The following RSPRY1 variants were observed in gnomAD, a reference collection of about 807,000 sequenced individuals.
RSPRY1 encodes RING finger and SPRY domain-containing protein 1.
In RSPRY1, 23 loss-of-function variants were observed where a neutral mutation model predicts 73.1. The observed-to-expected ratio is 0.31, with a 90% CI of 0.23 to 0.45. The LOEUF (loss-of-function observed/expected upper bound fraction) is 0.45, where lower values mean the gene tolerates loss of function less well. RSPRY1 is among the 20% of genes least tolerant of loss of function. RSPRY1 has a pLI of 1.00. For synonymous variants in RSPRY1, 226 were observed against 251.4 expected (o/e 0.90, Z 0.95); for missense variants, 448 against 698.7 (o/e 0.64, Z 4.05).
Position 57,217,043 on chromosome 16 carries a change from G to A in RSPRY1, c.901+8G>A, listed in dbSNP as rs752691519. ...GGAGCTTAGACAATCTCTGTAAGTGGGAGTTGTCCTTTATTAAAATGTCCG... is the reference window on the plus strand; with the variant it reads ...GGAGCTTAGACAATCTCTGTAAGTGAGAGTTGTCCTTTATTAAAATGTCCG... On this transcript the variant is annotated splice_region_variant and intron_variant, in intron 8 of 14. Transcript: ENST00000394420. 13 of 1,613,792 alleles carry A rather than the reference G, an allele frequency of 8.1e-6. No individual in the cohort carries two copies. The Admixed American group carries it at 1.0e-4, about 12-fold the overall frequency.
chr16:57,207,393 T>A (rs2146259634), intron 2 of RSPRY1, among the ~76,000 whole-genome samples: 1 of 152,180 alleles, frequency 6.6e-6, no homozygotes, highest in South Asian at 2.1e-4. Context: ...TCTTAAGCAG[T>A]TAGAATTGTT....
At chr16:57,226,050 C>G (rs944294770) in intron 10 of RSPRY1, among the ~76,000 whole-genome samples, 10 of 152,120 alleles carry the variant, frequency 6.6e-5, no homozygotes, top group Middle Eastern at 3.4e-3. Flanking sequence ...TGCACTCCAG[C>G]CTAGGCAACA....
At chr16:57,214,953 A>G (rs1249456692) in intron 6 of RSPRY1, among the ~76,000 whole-genome samples, 1 of 152,142 alleles carries the variant, frequency 6.6e-6, no homozygotes, top group Non-Finnish European at 1.5e-5. Flanking sequence ...ACTTGAACCC[A>G]GAAGGCAGAG....
intron 11 of RSPRY1, among the ~76,000 whole-genome samples, chr16:57,228,386 A>G (rs1388508350): frequency 1.3e-5 from 2 of 151,858 alleles, no homozygotes; most frequent in African/African-American, 4.8e-5. Context: ...CAACAGGAAC[A>G]CTCATTTTAA....
chr16:57,193,882 A>G (rs1334013017), intron 1 of RSPRY1, among the ~76,000 whole-genome samples: 1 of 152,140 alleles, frequency 6.6e-6, no homozygotes, highest in Non-Finnish European at 1.5e-5. Flanking sequence ...CCTAGCCCAC[A>G]TGGTGAAACC....
intron 1 of RSPRY1, among the ~76,000 whole-genome samples, chr16:57,201,619 G>A (rs2074610095): frequency 1.3e-5 from 2 of 152,220 alleles, no homozygotes; most frequent in Admixed American, 1.3e-4. Flanking sequence ...CTGGGGAGGT[G>A]GAGGTTGTAT....
At chr16:57,200,656 G>T (rs1362390106) in intron 1 of RSPRY1, among the ~76,000 whole-genome samples, 19 of 108,800 alleles carry the variant, frequency 1.7e-4, no homozygotes, top group Non-Finnish European at 1.9e-4. Flanking sequence ...CTGGCCGGGC[G>T]GGGGGCTGAC....
chr16:57,209,049 A>G, intron 3 of RSPRY1, 26 bp from the exon 4 acceptor site: 2 of 1,442,250 alleles, frequency 1.4e-6, no homozygotes, highest in Non-Finnish European at 1.9e-6. Context: ...TGACTCCATC[A>G]TATAATCTTC....
intron 1 of RSPRY1, among the ~76,000 whole-genome samples, chr16:57,189,089 GT>G (rs1284530155): frequency 6.6e-6 from 1 of 151,328 alleles, no homozygotes; most frequent in Non-Finnish European, 1.5e-5. Flanking sequence ...TGCCTCCCGG[GT>G]TCAAGCAATT....
chr16:57,220,644 C>T (rs2075019440), intron 8 of RSPRY1, 88 bp from the exon 9 acceptor site: 2 of 736,586 alleles, frequency 2.7e-6, no homozygotes, highest in Non-Finnish European at 4.7e-6. Context: ...TTATTTCTTC[C>T]TCTTGTCTGA....
intron 14 of RSPRY1, 30 bp from the exon 15 acceptor site, chr16:57,238,849 C>G (rs756311407): frequency 4.4e-5 from 61 of 1,390,810 alleles, no homozygotes; most frequent in Non-Finnish European, 6.0e-5. Context: ...GAAGCATTAA[C>G]TTGACTGACT....
At chr16:57,217,868 T>C (rs1335624749) in intron 8 of RSPRY1, among the ~76,000 whole-genome samples, 1 of 152,206 alleles carries the variant, frequency 6.6e-6, no homozygotes, top group Admixed American at 6.5e-5. Context: ...GGGGAGGAGC[T>C]TCATGCACAG....
chr16:57,207,703 G>A (rs1567496515), intron 2 of RSPRY1: 1 of 466,928 alleles, frequency 2.1e-6, no homozygotes, highest in Non-Finnish European at 4.3e-6. Context: ...TGAAGGTGAT[G>A]TTGACCTTCC....
chr16:57,200,853 G>C (rs1463450093), intron 1 of RSPRY1, among the ~76,000 whole-genome samples: 1 of 130,840 alleles, frequency 7.6e-6, no homozygotes, highest in Non-Finnish European at 1.6e-5. Context: ...CTCACCTCCC[G>C]GACGGGGCGG....
At chr16:57,221,513 C>T (rs1597909541) in intron 10 of RSPRY1, 98 bp downstream of exon 10, 1 of 1,293,856 alleles carries the variant, frequency 7.7e-7, no homozygotes, top group East Asian at 2.4e-5. Flanking sequence ...AATAGATTTG[C>T]TCAATAATCT....
chr16:57,220,703 T>C (rs2075020513), intron 8 of RSPRY1, 29 bp from the exon 9 acceptor site: 1 of 1,471,566 alleles, frequency 6.8e-7, no homozygotes, highest in African/African-American at 1.4e-5. Context: ...CAGCCTGCCT[T>C]AGAAACATGA....
intron 13 of RSPRY1, among the ~76,000 whole-genome samples, chr16:57,231,963 C>T (rs1046734619): frequency 4.6e-5 from 7 of 152,164 alleles, no homozygotes; most frequent in Non-Finnish European, 1.0e-4. Flanking sequence ...TAGTCTATTC[C>T]TTAGGCTGGG....
At chr16:57,213,856 A>G (rs1332902719) in intron 5 of RSPRY1, 32 bp from the exon 6 acceptor site, 1 of 1,469,374 alleles carries the variant, frequency 6.8e-7, no homozygotes, top group South Asian at 1.1e-5. Flanking sequence ...CTGGCATTTT[A>G]ATTATATCAA....
In RSPRY1 at chr16:57,227,538, T is replaced by C; in HGVS notation, c.1273+85T>C. ...GCATTTATTACATTAAGCCTTAAAA[T>C]GTCTTAGGAGAAGATCAAATGTGAA... On this transcript the variant is annotated intron_variant, in intron 11 of 14. Transcript: ENST00000394420. 5 of 925,022 alleles carry C rather than the reference T, an allele frequency of 5.4e-6. No homozygotes were observed. The South Asian group carries it at 7.0e-5, about 13-fold the overall frequency. 57.3% of individuals were successfully genotyped at this position (925,022 alleles called of 1,614,324 possible).
Sources: allele counts gnomAD v4.1 joint callset (sites outside exome capture counted in the v4.1 genomes callset), GRCh38; gene constraint gnomAD v4.1.1; transcripts MANE v1.5; gene names NCBI Gene and HGNC (gene_info 2026-07-23, HGNC 2026-07-21).